Variants in MBNL1 observed in about 807,000 individuals in gnomAD.
MBNL1 encodes the protein muscleblind like splicing regulator 1.
A neutral mutation model predicts 42.2 loss-of-function variants in MBNL1; 8 were observed. The ratio of observed to expected loss-of-function variants is 0.19; its 90% CI spans 0.11 to 0.34. The LOEUF is 0.34. Ranked by LOEUF, MBNL1 falls within the 10% of genes least tolerant of loss-of-function variation. MBNL1 has a pLI of 1.00. For synonymous variants in MBNL1, 169 were observed against 173.9 expected (o/e 0.97, Z 0.22); for missense variants, 309 against 495.3 (o/e 0.62, Z 3.57).
chr3:152,285,342 G>A (rs1019733965), intron 1 of MBNL1, among the ~76,000 whole-genome samples: 31 of 152,182 alleles, frequency 2.0e-4, no homozygotes, highest in African/African-American at 7.5e-4. Flanking sequence ...GAAATCAGAA[G>A]AGCTGATTTG....
chr3:152,455,344 T>A (rs1731447846), intron 6 of MBNL1, among the ~76,000 whole-genome samples, 198 bp from the exon 7 acceptor site: 1 of 152,256 alleles, frequency 6.6e-6, no homozygotes, highest in South Asian at 2.1e-4. Flanking sequence ...CTGGCTTTTA[T>A]TCTTCACTTG....
chr3:152,248,931 T>C (rs1254611741), intron 2 of MBNL1, among the ~76,000 whole-genome samples: 1 of 152,104 alleles, frequency 6.6e-6, no homozygotes, highest in Admixed American at 6.6e-5. Flanking sequence ...TCCATGTCCC[T>C]GCAAAGGACA....
At chr3:152,407,972 G>T (rs1306385997) in intron 2 of MBNL1, among the ~76,000 whole-genome samples, 1 of 152,080 alleles carries the variant, frequency 6.6e-6, no homozygotes, top group East Asian at 1.9e-4. Flanking sequence ...ACTGGAGTTT[G>T]TTGGGGAGGG....
At chr3:152,330,170 G>A (rs191364488) in intron 2 of MBNL1, among the ~76,000 whole-genome samples, 79 of 152,250 alleles carry the variant, frequency 5.2e-4, no homozygotes, top group African/African-American at 1.9e-3. Flanking sequence ...TTTATTTAGA[G>A]ACTGAATCTG....
intron 2 of MBNL1, among the ~76,000 whole-genome samples, chr3:152,327,467 C>T (rs1578006090): frequency 2.0e-5 from 3 of 152,250 alleles, no homozygotes; most frequent in Admixed American, 2.0e-4. Context: ...CCTGCCTCAG[C>T]CTCCTAAGTA....
chr3:152,414,903 C>A (rs186337384), intron 2 of MBNL1, 38 bp from the exon 3 acceptor site: 4 of 1,595,634 alleles, frequency 2.5e-6, no homozygotes, highest in Non-Finnish European at 3.4e-6. Context: ...TGATTTTATT[C>A]TTTTCTAAGA....
chr3:152,307,395 T>G (rs866828495), intron 2 of MBNL1, among the ~76,000 whole-genome samples: 5 of 152,266 alleles, frequency 3.3e-5, no homozygotes, highest in African/African-American at 1.2e-4. Flanking sequence ...CAAAAGAATC[T>G]GCACTTTGAT....
intron 8 of MBNL1, among the ~76,000 whole-genome samples, chr3:152,457,153 A>T (rs1367848520): frequency 6.6e-6 from 1 of 152,198 alleles, no homozygotes; most frequent in African/African-American, 2.4e-5. Flanking sequence ...AAATATTTAA[A>T]ATTTAAAAAT....
intron 2 of MBNL1, among the ~76,000 whole-genome samples, chr3:152,301,546 A>T (rs1054588092): frequency 3.3e-5 from 5 of 152,186 alleles, no homozygotes; most frequent in African/African-American, 1.2e-4. Flanking sequence ...TCATTTTGCT[A>T]AAGTTTTTGC....
chr3:152,400,083 T>C (rs970295328), intron 2 of MBNL1, among the ~76,000 whole-genome samples: 1 of 152,198 alleles, frequency 6.6e-6, no homozygotes, highest in Non-Finnish European at 1.5e-5. Context: ...TTTCCTGATT[T>C]GTACTATGAG....
intron 2 of MBNL1, among the ~76,000 whole-genome samples, chr3:152,308,995 G>A (rs1051023412): frequency 2.0e-5 from 3 of 152,082 alleles, no homozygotes; most frequent in African/African-American, 7.2e-5. Context: ...AGTCCTCAAG[G>A]AGCCGGTTAC....
intron 2 of MBNL1, among the ~76,000 whole-genome samples, chr3:152,255,559 C>G (rs566834145): frequency 6.6e-6 from 1 of 151,946 alleles, no homozygotes; most frequent in Non-Finnish European, 1.5e-5. Flanking sequence ...AAGCAGTATA[C>G]TTTGGGCACT....
At chr3:152,342,544 A>G (rs2152855753) in intron 2 of MBNL1, among the ~76,000 whole-genome samples, 1 of 134,858 alleles carries the variant, frequency 7.4e-6, no homozygotes, top group Middle Eastern at 3.5e-3. Context: ...TTACTGGGAA[A>G]CTAAACAAAA....
chr3:152,315,562 T>G (rs2070370204), intron 2 of MBNL1, among the ~76,000 whole-genome samples: 1 of 152,214 alleles, frequency 6.6e-6, no homozygotes, highest in Non-Finnish European at 1.5e-5. Flanking sequence ...GTAATAACAT[T>G]TAAGATAAAG....
chr3:152,338,257 C>G (rs2091827067), intron 2 of MBNL1: 8 of 985,282 alleles, frequency 8.1e-6, no homozygotes, highest in African/African-American at 1.7e-5. Flanking sequence ...TTTTCAAGCA[C>G]TACCTGAGCT....
chr3:152,250,925 A>G (rs1166939241), intron 2 of MBNL1, among the ~76,000 whole-genome samples: 1 of 152,058 alleles, frequency 6.6e-6, no homozygotes, highest in Non-Finnish European at 1.5e-5. Context: ...ATGAACATTG[A>G]TGCAAAAATC....
At chr3:152,338,081 G>T in intron 2 of MBNL1, 21 of 948,904 alleles carry the variant, frequency 2.2e-5, no homozygotes, top group Non-Finnish European at 2.6e-5. Flanking sequence ...AATGCCGTAG[G>T]CATGCTATAA....
At chr3:152,330,298 T>C (rs888903361) in intron 2 of MBNL1, among the ~76,000 whole-genome samples, 2 of 152,158 alleles carry the variant, frequency 1.3e-5, no homozygotes, top group Non-Finnish European at 2.9e-5. Context: ...TTAAATAAAG[T>C]AGATAATTCT....
chr3:152,376,772 C>CTA (rs771269212), intron 2 of MBNL1, among the ~76,000 whole-genome samples: 4 of 151,170 alleles, frequency 2.6e-5, no homozygotes, highest in East Asian at 1.9e-4. Context: ...CGCACTCTCT[C>CTA]TATATATATA....
Sources: gnomAD v4.1 joint callset for allele counts (sites outside exome capture counted in the v4.1 genomes callset) on GRCh38, gnomAD v4.1.1 for gene constraint, MANE v1.5 for transcripts, NCBI Gene and HGNC (gene_info 2026-07-23, HGNC 2026-07-21) for gene names.